Variants in WWOX observed in about 807,000 individuals in gnomAD.
The protein encoded by WWOX is WW domain-containing oxidoreductase.
In WWOX, 69 loss-of-function variants were observed where a neutral mutation model predicts 46.2. The observed-to-expected ratio is 1.49, with a 90% CI of 1.23 to 1.82. The LOEUF is 1.82. WWOX is among the 40% of genes most tolerant of loss of function. The pLI is 0.00. For synonymous variants in WWOX, 359 were observed against 202.6 expected, an observed-to-expected ratio of 1.77 and a Z score of -6.56; for missense variants, 919 against 542.6, an observed-to-expected ratio of 1.69 and a Z score of -6.89.
intron 8 of WWOX, among the ~76,000 whole-genome samples, chr16:78,722,243 C>T (rs984925453): frequency 4.6e-5 from 7 of 152,176 alleles, no homozygotes; most frequent in African/African-American, 1.7e-4. Context: ...ACTCCGGGTT[C>T]AGACGGACTT....
chr16:78,364,503 A>C (rs1001196215), intron 5 of WWOX, among the ~76,000 whole-genome samples: 1 of 152,076 alleles, frequency 6.6e-6, no homozygotes, highest in Non-Finnish European at 1.5e-5. Context: ...TTTGTGTCAT[A>C]TATAATTTTG....
chr16:78,775,863 G>C (rs550931366), intron 8 of WWOX, among the ~76,000 whole-genome samples: 1 of 152,170 alleles, frequency 6.6e-6, no homozygotes, highest in Non-Finnish European at 1.5e-5. Flanking sequence ...TGTCTTATTG[G>C]ATGTTGGTAA....
chr16:78,627,744 CTA>C (rs748613758), intron 8 of WWOX, among the ~76,000 whole-genome samples: 1 of 152,206 alleles, frequency 6.6e-6, no homozygotes, highest in African/African-American at 2.4e-5. Flanking sequence ...TATGTTAACT[CTA>C]TTTCATTTTG....
At chr16:78,123,600 G>C (rs1454613578) in intron 4 of WWOX, 1 of 151,366 alleles carries the variant, frequency 6.6e-6, no homozygotes, top group African/African-American at 2.4e-5. Flanking sequence ...TGGGAGTCCA[G>C]GCACCTGCCA....
chr16:78,929,215 C>G (rs1567656024), intron 8 of WWOX, among the ~76,000 whole-genome samples: 1 of 151,912 alleles, frequency 6.6e-6, no homozygotes, highest in South Asian at 2.1e-4. Flanking sequence ...TTTTCATAAA[C>G]TCTTCAGTTC....
At chr16:78,486,805 T>G (rs2084649177) in intron 8 of WWOX, among the ~76,000 whole-genome samples, 1 of 152,178 alleles carries the variant, frequency 6.6e-6, no homozygotes, top group Admixed American at 6.5e-5. Flanking sequence ...AACTCCTGAC[T>G]TCGTGATCCA....
At chr16:78,175,261 A>G (rs1279905452) in intron 5 of WWOX, among the ~76,000 whole-genome samples, 1 of 152,058 alleles carries the variant, frequency 6.6e-6, no homozygotes, top group African/African-American at 2.4e-5. Context: ...CCTGACCCTT[A>G]GGTGGAAGAT....
chr16:78,205,478 C>G (rs1332042434), intron 5 of WWOX, among the ~76,000 whole-genome samples: 2 of 152,010 alleles, frequency 1.3e-5, no homozygotes, highest in Non-Finnish European at 2.9e-5. Context: ...TACCCATCCA[C>G]CCTTCCATAC....
At chr16:78,685,674 A>T (rs2047838083) in intron 8 of WWOX, among the ~76,000 whole-genome samples, 1 of 152,222 alleles carries the variant, frequency 6.6e-6, no homozygotes, top group African/African-American at 2.4e-5. Context: ...AGCTTCTGCT[A>T]TTGAATGCTT....
intron 8 of WWOX, among the ~76,000 whole-genome samples, chr16:78,995,756 T>G (rs1378812726): frequency 6.6e-6 from 1 of 152,180 alleles, no homozygotes. Context: ...AAAATGTTTA[T>G]GAACCCTGCA....
At chr16:79,094,226 C>T (rs1315009029) in intron 8 of WWOX, among the ~76,000 whole-genome samples, 2 of 151,646 alleles carry the variant, frequency 1.3e-5, no homozygotes, top group African/African-American at 2.4e-5. Flanking sequence ...CTCTCGTCTG[C>T]ATTTCCTGAG....
chr16:78,543,288 C>G (rs549784790), intron 8 of WWOX, among the ~76,000 whole-genome samples: 4 of 151,080 alleles, frequency 2.6e-5, no homozygotes, highest in African/African-American at 4.8e-5. Context: ...TGCCTACTGG[C>G]TAGGCCAGTC....
intron 4 of WWOX, among the ~76,000 whole-genome samples, chr16:78,163,383 C>T (rs1393466764): frequency 6.6e-6 from 1 of 152,152 alleles, no homozygotes; most frequent in Non-Finnish European, 1.5e-5. Context: ...TCTTTAGGAT[C>T]CCGACCCAAG....
intron 5 of WWOX, among the ~76,000 whole-genome samples, chr16:78,362,763 A>G (rs1244456932): frequency 2.6e-5 from 4 of 152,240 alleles, no homozygotes; most frequent in African/African-American, 9.6e-5. Flanking sequence ...AGAACTTACT[A>G]TGTGTCCAGT....
At chr16:78,614,540 G>A (rs79784437) in intron 8 of WWOX, among the ~76,000 whole-genome samples, 119 of 152,292 alleles carry the variant, frequency 7.8e-4, no homozygotes, top group African/African-American at 2.7e-3. Flanking sequence ...AGCTGACCTT[G>A]GGGAGCAGAT....
intron 8 of WWOX, among the ~76,000 whole-genome samples, chr16:78,544,272 G>A (rs1002614672): frequency 4.6e-5 from 7 of 152,064 alleles, no homozygotes; most frequent in African/African-American, 1.4e-4. Flanking sequence ...TTCACCAAGC[G>A]CTAACATTAT....
intron 5 of WWOX, among the ~76,000 whole-genome samples, chr16:78,252,661 C>G (rs774185178): frequency 6.6e-6 from 1 of 152,176 alleles, no homozygotes; most frequent in Non-Finnish European, 1.5e-5. Context: ...TTAATTATGC[C>G]TTGAGATTGC....
chr16:78,290,395 G>C (rs925194026), intron 5 of WWOX, among the ~76,000 whole-genome samples: 2 of 150,188 alleles, frequency 1.3e-5, no homozygotes, highest in Admixed American at 1.4e-4. Flanking sequence ...ATGTATGACA[G>C]TTTTCTTTGT....
intron 5 of WWOX, among the ~76,000 whole-genome samples, chr16:78,315,772 A>G (rs1216511019): frequency 6.6e-6 from 1 of 152,190 alleles, no homozygotes; most frequent in Non-Finnish European, 1.5e-5. Context: ...ACTCCATGTT[A>G]TCGCCATTTT....
Sources: allele counts gnomAD v4.1 joint callset (sites outside exome capture counted in the v4.1 genomes callset), GRCh38; gene constraint gnomAD v4.1.1; transcripts MANE v1.5; gene names NCBI Gene and HGNC (gene_info 2026-07-23, HGNC 2026-07-21).